IARS2: variants seen among roughly 807,000 people sequenced by gnomAD.
IARS2 encodes isoleucine--tRNA ligase, mitochondrial.
In IARS2, 56 loss-of-function variants were observed where a neutral mutation model predicts 126.3. That is an observed-to-expected ratio of 0.44 (90% CI 0.36 to 0.55). IARS2 has a LOEUF of 0.55. Among genes scored for constraint, IARS2 ranks in the 20% least tolerant of loss-of-function variants. The pLI is 0.00. For synonymous variants in IARS2, 407 were observed against 441.1 expected (o/e 0.92, Z 0.97); for missense variants, 1,127 against 1,245.9 (o/e 0.90, Z 1.44).
chr1:220,097,299 C>T (rs2102815925), intron 2 of IARS2, among the ~76,000 whole-genome samples: 1 of 151,866 alleles, frequency 6.6e-6, no homozygotes, highest in African/African-American at 2.4e-5. Context: ...CCCAGACCCC[C>T]AGCACATTTC....
intron 8 of IARS2, among the ~76,000 whole-genome samples, chr1:220,105,509 T>C (rs973483499): frequency 6.6e-6 from 1 of 152,156 alleles, no homozygotes; most frequent in Non-Finnish European, 1.5e-5. Context: ...GTAGGAATGT[T>C]GAAGAGCTAA....
Position 220,102,593 on chromosome 1 carries a change from C to T in IARS2, c.848C>T (p.Ala283Val), listed in dbSNP as rs772640835. 16 of 1,608,322 alleles carry T rather than the reference C, an allele frequency of 9.9e-6. No individual in the cohort carries two copies. Among genetic ancestry groups the T allele is most frequent in the Non-Finnish European group, 1.2e-5 (14 of 1,174,970 alleles). Residue 283 changes from alanine (A) to valine (V), a missense_variant, in exon 6 of 23, where the codon GCA becomes GTA. Ala to Val is a moderately conservative substitution (Grantham distance 64). Transcript: ENST00000366922. ...CTCTTAAAGCCTTCTCCAAAATTGG[C>T]ATCTCTTATAGGTAAGATTTATTCA... ...FPLLKPSPKLASLIDGSSPVS... is the reference protein window; with the variant it reads ...FPLLKPSPKLVSLIDGSSPVS...
In IARS2 at chr1:220,147,525, G is replaced by GT. The variant is rs1166479571; in HGVS notation, c.2930dup (p.Ile978AsnfsTer52). ...TATTCGTGAAGAGTCTTCCTATAAA[G>GT]TAATTGTCATGCCGACTACGAAAGA... On this transcript the variant is annotated frameshift_variant, in exon 23 of 23. Transcript: ENST00000366922. LOFTEE classifies it high-confidence loss of function. The GT allele has an allele frequency of 6.2e-7, 1 of 1,614,156 alleles. No homozygotes were observed.
At chr1:220,116,349 A>G (rs1656913447) in intron 12 of IARS2, among the ~76,000 whole-genome samples, 1 of 152,114 alleles carries the variant, frequency 6.6e-6, no homozygotes, top group Admixed American at 6.6e-5. Flanking sequence ...ATCTTCTAGT[A>G]ATATTAGGGA....
At chr1:220,111,983 A>T (rs980608291) in intron 11 of IARS2, among the ~76,000 whole-genome samples, 3 of 151,736 alleles carry the variant, frequency 2.0e-5, no homozygotes, top group East Asian at 3.9e-4. Flanking sequence ...TTTTTTTTTT[A>T]ACTTTTTTGT....
In IARS2 at chr1:220,108,856, C is replaced by CTTTTT. The variant is rs35836043; in HGVS notation, c.1327+1727_1327+1731dup. Reference sequence around the variant, plus strand: ...TCTTAAATGTCTCTCTGTGAATCCTCTTTTTTTTTTTTTTTTTTTTTTTTT... The same window carrying CTTTTT: ...TCTTAAATGTCTCTCTGTGAATCCTCTTTTTTTTTTTTTTTTTTTTTTTTTTTTTT... On this transcript the variant is annotated intron_variant, in intron 10 of 22. Coordinates refer to ENST00000366922, the MANE Select transcript of IARS2 (RefSeq NM_018060.4). 2.9e-4 allele frequency among the ~76,000 whole-genome samples: 20 copies of CTTTTT among 68,248 alleles called. 3 individuals carry two copies. The highest frequency in any genetic ancestry group is 1.8e-3 in the East Asian group (3 of 1,640). 44.8% of individuals were successfully genotyped at this position (68,248 alleles called of 152,430 possible).
At chr1:220,103,967 A>AATTTT (rs1011650586) in intron 8 of IARS2, among the ~76,000 whole-genome samples, 6 of 152,146 alleles carry the variant, frequency 3.9e-5, no homozygotes, top group African/African-American at 1.4e-4. Flanking sequence ...CTATCAAAGG[A>AATTTT]ATTTTATTTT....
chr1:220,144,095 G>T lies in IARS2; in HGVS notation c.2751+961G>T. 4 of 1,012,350 alleles carry T rather than the reference G, an allele frequency of 4.0e-6. No individual in the cohort carries two copies. The South Asian group carries it at 5.0e-5, about 13-fold the overall frequency. 62.7% of individuals were successfully genotyped at this position (1,012,350 alleles called of 1,614,324 possible). A position where few individuals can be genotyped will look rare whatever the true frequency, so the allele number is the denominator to read the frequency against. ...AGCAGATTATTTTGCCATTTTTCTA[G>T]ATCTTTGCTTTGCACATCAAATCTG... On this transcript the variant is annotated intron_variant, in intron 21 of 22. Transcript: ENST00000366922.
At chr1:220,139,690 G>A (rs1290342001) in intron 18 of IARS2, among the ~76,000 whole-genome samples, 1 of 152,130 alleles carries the variant, frequency 6.6e-6, no homozygotes, top group Non-Finnish European at 1.5e-5. Flanking sequence ...TTTTGAGGCT[G>A]CAGTGAGCTG....
chr1:220,147,686 T>C lies in IARS2; in HGVS notation c.*51T>C. On this transcript the variant is annotated 3_prime_UTR_variant, in exon 23 of 23. Transcript: ENST00000366922. ...CCCTCCTGACAGTACTGGCTAGAAG[T>C]TTGGATGGATTATTTACAATATAGG... 3 of 1,576,312 alleles carry C rather than the reference T, an allele frequency of 1.9e-6. No individual in the cohort carries two copies. Among genetic ancestry groups the C allele is most frequent in the Non-Finnish European group, 2.6e-6 (3 of 1,155,046 alleles).
chr1:220,138,963 A>G (rs1657435641), intron 17 of IARS2, 45 bp from the exon 18 acceptor site: 1 of 1,557,694 alleles, frequency 6.4e-7, no homozygotes, highest in African/African-American at 1.4e-5. Flanking sequence ...AATTGAAGGC[A>G]CCATTAGATT....
chr1:220,103,604 T>C (rs766046969), intron 8 of IARS2, 42 bp downstream of exon 8: 2 of 1,244,992 alleles, frequency 1.6e-6, no homozygotes, highest in Non-Finnish European at 2.4e-6. Context: ...CATCAAAGTA[T>C]TGGGCTGACT....
intron 21 of IARS2, 28 bp from the exon 22 acceptor site, chr1:220,145,481 A>T (rs1373352559): frequency 1.3e-6 from 2 of 1,579,194 alleles, no homozygotes; most frequent in Non-Finnish European, 8.6e-7. Context: ...TTTAACATAA[A>T]CTGTAACTTT....
intron 19 of IARS2, 37 bp from the exon 20 acceptor site, chr1:220,141,759 TGTATAAA>T (rs1053501339): frequency 2.2e-5 from 36 of 1,600,518 alleles, no homozygotes; most frequent in Non-Finnish European, 3.1e-5. Flanking sequence ...GTGACCATAA[TGTATAAA>T]GTATTGTCAA....
chr1:220,143,114 C>T lies in IARS2; in HGVS notation c.2731C>T (p.Leu911=), dbSNP rs751211552. ...YKVITVIEPG[L]LFEIIEMLQS... is the part of the protein sequence containing the mutation. ...GGTTATCACTGTGATAGAACCTGGA[C>T]TGCTTTTTGAGATAATAGAGGTATG... Residue 911 remains leucine (L), a synonymous_variant, in exon 21 of 23, where the codon CTG becomes TTG. Coordinates refer to ENST00000366922, the MANE Select transcript of IARS2 (RefSeq NM_018060.4). The T allele has an allele frequency of 5.0e-5, 81 of 1,613,260 alleles. 4 individuals are homozygous for T. The South Asian group carries it at 8.6e-4, about 17-fold the overall frequency.
At chr1:220,138,255 G>A (rs1657418963) in intron 17 of IARS2, among the ~76,000 whole-genome samples, 2 of 152,014 alleles carry the variant, frequency 1.3e-5, no homozygotes, top group Non-Finnish European at 1.5e-5. Context: ...GGTGGATCAC[G>A]AGGTCAGGAG....
intron 12 of IARS2, chr1:220,118,088 G>C (rs1286778841): frequency 9.1e-6 from 4 of 439,072 alleles, no homozygotes; most frequent in Admixed American, 3.2e-5. Context: ...TTTTCTGCTG[G>C]AATCAAATGA....
intron 18 of IARS2, 99 bp from the exon 19 acceptor site, chr1:220,140,084 T>C (rs1418245379): frequency 1.4e-6 from 1 of 712,378 alleles, no homozygotes; most frequent in South Asian, 1.5e-5. Context: ...ATTTGTCTCA[T>C]TGAAACATAT....
chr1:220,140,678 G>A (rs1192993916), intron 19 of IARS2, among the ~76,000 whole-genome samples: 1 of 150,012 alleles, frequency 6.7e-6, no homozygotes, highest in Non-Finnish European at 1.5e-5. Flanking sequence ...GGGCAGTGTT[G>A]TGCAGTTATT....
Sources: gnomAD v4.1 joint callset for allele counts (sites outside exome capture counted in the v4.1 genomes callset) on GRCh38, gnomAD v4.1.1 for gene constraint, MANE v1.5 for transcripts, NCBI Gene and HGNC (gene_info 2026-07-23, HGNC 2026-07-21) for gene names.